Variants in DGKK observed in about 807,000 individuals in gnomAD.
The protein encoded by DGKK is diacylglycerol kinase kappa, also known as 142 kDa diacylglycerol kinase.
DGKK carries 35 observed loss-of-function variants against 92.2 expected under a neutral mutation model. The observed-to-expected ratio is 0.38, with a 90% confidence interval of 0.29 to 0.50. DGKK has a LOEUF of 0.50. DGKK is among the 20% of genes least tolerant of loss of function. The pLI is 0.92. For missense variants in DGKK, 910 were observed against 992.2 expected (o/e 0.92, Z 1.11); for synonymous variants, 368 against 360.6 (o/e 1.02, Z -0.23).
chrX:50,418,958 G>C lies in DGKK; in HGVS notation c.942+1445C>G, dbSNP rs1327756955. On this transcript the variant is annotated intron_variant, in intron 4 of 27. Coordinates refer to ENST00000611977, the MANE Select transcript of DGKK (RefSeq NM_001013742.4). Reference sequence around the variant, plus strand: ...CATGAGAAACCCTCCAGTTTGAATAGAGGTTAAGTCATAGGAAGGAAAGAT... The same window carrying C: ...CATGAGAAACCCTCCAGTTTGAATACAGGTTAAGTCATAGGAAGGAAAGAT... 2.7e-5 allele frequency among the ~76,000 whole-genome samples: 3 copies of C among 111,791 alleles called. No homozygotes were observed. The East Asian group carries it at 8.5e-4, about 32-fold the overall frequency.
At position 50,470,337 on chromosome X, in the gene DGKK, G is replaced by A. The variant is rs782100103; in HGVS notation, c.342C>T (p.Ala114=). Residue 114 remains alanine, a synonymous_variant, in exon 1 of 28, where the codon GCC becomes GCT. Transcript: ENST00000611977. ...GGGCAGACTCTGTGGCAGGTTCTGG[G>A]GCCGGTTCTGGGGCCGGCTCTGTGG... ...EPATEPAPEP[A]PEPATESAPE... The A allele has an allele frequency of 2.5e-6, 3 of 1,207,287 alleles. No homozygotes were observed. The highest frequency in any genetic ancestry group is 2.2e-6 in the Non-Finnish European group (2 of 894,323).
intron 1 of DGKK, among the ~76,000 whole-genome samples, chrX:50,454,869 A>G (rs1557232752): frequency 8.9e-6 from 1 of 112,285 alleles, no homozygotes; most frequent in Non-Finnish European, 1.9e-5. Context: ...TCTACTAATT[A>G]CAAGAAAAGC....
chrX:50,378,769 G>A (rs1924336584), intron 20 of DGKK, 78 bp from the exon 21 acceptor site: 2 of 771,786 alleles, frequency 2.6e-6, no homozygotes, highest in Non-Finnish European at 3.8e-6. Context: ...CATGTTTAAA[G>A]GCTCCTGGTG....
Position 50,403,492 on chromosome X carries a change from A to G in DGKK, c.1184T>C (p.Val395Ala). 3.3e-6 allele frequency: 4 copies of G among 1,204,937 alleles called. No individual in the cohort carries two copies. The highest frequency in any genetic ancestry group is 4.5e-6 in the Non-Finnish European group (4 of 889,381). ...TDDLLLPADEVNMPHQWVEGN... is the reference protein window; with the variant it reads ...TDDLLLPADEANMPHQWVEGN... ...TGGGAAGACATGGCTAGTACTTACT[A>G]CTTCATCTGCAGGCAGAAGGAGGTC... Residue 395 changes from valine (V) to alanine (A), a missense_variant and splice_region_variant, in exon 6 of 28, where the codon GTA (valine) becomes GCA (alanine). Physicochemically the swap from Val to Ala is moderately conservative, Grantham distance 64. Coordinates refer to ENST00000611977, the MANE Select transcript of DGKK (RefSeq NM_001013742.4).
rs186697569 is a variant in DGKK, at chrX:50,451,143, G to A, written c.645+18891C>T. On this transcript the variant is annotated intron_variant, in intron 1 of 27. Coordinates refer to ENST00000611977, the MANE Select transcript of DGKK (RefSeq NM_001013742.4). ...TCTAAGTGAAAAAATAAAAAAATGGGGCTTTGAAATTTAATGGCACTTCTC... is the reference window on the plus strand; with the variant it reads ...TCTAAGTGAAAAAATAAAAAAATGGAGCTTTGAAATTTAATGGCACTTCTC... 3.6e-3 allele frequency among the ~76,000 whole-genome samples: 395 copies of A among 110,717 alleles called. 1 individual carries two copies. The highest frequency in any genetic ancestry group is 6.1e-3 in the Non-Finnish European group (321 of 52,827).
At position 50,375,037 on chromosome X, in the gene DGKK, G is replaced by A. The variant is rs192043707; in HGVS notation, c.3435C>T (p.Ala1145=). Residue 1145 remains alanine (A), a synonymous_variant, in exon 25 of 28, where the codon GCC becomes GCT. Coordinates refer to ENST00000611977, the MANE Select transcript of DGKK (RefSeq NM_001013742.4). ...IPIETLSRND[A]VDVTFSLKGL... The stretch of plus-strand genomic sequence containing the variant: ...CTTTAAGACTAAATGTAACATCTAC[G>A]GCATCATTTCTGCTTAGAGTCTGAG... 167 of 1,204,180 alleles carry A rather than the reference G, an allele frequency of 1.4e-4. No homozygotes were observed. In the Middle Eastern group the frequency reaches 5.8e-3, roughly 42 times the overall value.
At chrX:50,393,662 A>C in intron 8 of DGKK, among the ~76,000 whole-genome samples, 1 of 111,887 alleles carries the variant, frequency 8.9e-6, no homozygotes, top group Non-Finnish European at 1.9e-5. Flanking sequence ...ATAAGGAATA[A>C]AGAAATTGGT....
chrX:50,378,271 G>A (rs781786186), intron 21 of DGKK, 39 bp from the exon 22 acceptor site: 3 of 1,187,852 alleles, frequency 2.5e-6, no homozygotes, highest in South Asian at 3.7e-5. Context: ...GAGAAAAATG[G>A]GGCAACTGCT....
At chrX:50,456,336 C>CA (rs1926611631) in intron 1 of DGKK, among the ~76,000 whole-genome samples, 1 of 111,858 alleles carries the variant, frequency 8.9e-6, no homozygotes, top group Non-Finnish European at 1.9e-5. Context: ...TCAGTCCTCA[C>CA]AAAAAAGAGA....
intron 20 of DGKK, 72 bp from the exon 21 acceptor site, chrX:50,378,763 T>C (rs1924336465): frequency 1.2e-6 from 1 of 813,450 alleles, no homozygotes; most frequent in African/African-American, 2.0e-5. Flanking sequence ...AGAAGGCATG[T>C]TTAAAGGCTC....
At chrX:50,401,442 G>T (rs1925002930) in intron 7 of DGKK, among the ~76,000 whole-genome samples, 1 of 110,905 alleles carries the variant, frequency 9.0e-6, no homozygotes, top group Admixed American at 9.6e-5. Context: ...CTGCAGAATG[G>T]GGAACTTACA....
At position 50,367,147 on chromosome X, in the gene DGKK, T is replaced by A. The variant is rs1923993008; in HGVS notation, c.*1793A>T. The A allele has an allele frequency of 9.0e-6, 1 of 111,378 alleles. No homozygotes were observed. The highest frequency in any genetic ancestry group is 3.9e-4 in the South Asian group (1 of 2,593). The allele number at this position is 111,378 out of a possible 1,213,427, so 9.2% of individuals were successfully genotyped here. A position where few individuals can be genotyped will look rare whatever the true frequency, so the allele number is the denominator to read the frequency against. The stretch of plus-strand genomic sequence containing the variant: ...TGAGAACCAGTGCTTGGAATCTGAA[T>A]TGTGCACCTCAATGAACCAGCCATT... On this transcript the variant is annotated 3_prime_UTR_variant, in exon 28 of 28. Coordinates refer to ENST00000611977, the MANE Select transcript of DGKK (RefSeq NM_001013742.4).
intron 1 of DGKK, among the ~76,000 whole-genome samples, chrX:50,442,755 A>C (rs538052371): frequency 8.9e-6 from 1 of 111,796 alleles, no homozygotes; most frequent in South Asian, 3.8e-4. Flanking sequence ...CCTCTGCTTC[A>C]AGGTGTCACC....
intron 4 of DGKK, among the ~76,000 whole-genome samples, chrX:50,418,979 A>C (rs1270389815): frequency 1.8e-5 from 2 of 112,071 alleles, no homozygotes; most frequent in African/African-American, 6.5e-5. Context: ...ATAGGAAGGA[A>C]AGATATTGGT....
chrX:50,379,659 T>C lies in DGKK; in HGVS notation c.2830A>G (p.Ile944Val), dbSNP rs1924365454. 1 of 1,211,378 alleles carries C rather than the reference T, an allele frequency of 8.3e-7. No homozygotes were observed. Among genetic ancestry groups the C allele is most frequent in the Non-Finnish European group, 1.1e-6 (1 of 895,158 alleles). ...VLNITSYAGG[I>V]NFWGSNTATT... is the part of the protein sequence containing the mutation. ...GCTGTGTTGCTTCCCCAGAAGTTGATACCTCCAGCATAGCTGGTAATGTTG... is the reference window on the plus strand; with the variant it reads ...GCTGTGTTGCTTCCCCAGAAGTTGACACCTCCAGCATAGCTGGTAATGTTG... Residue 944 changes from isoleucine (I) to valine (V), a missense_variant, in exon 20 of 28, where the codon ATC becomes GTC. Ile to Val is a conservative substitution (Grantham distance 29). Transcript: ENST00000611977.
At chrX:50,397,540 T>A (rs1195480008) in intron 8 of DGKK, among the ~76,000 whole-genome samples, 3 of 111,638 alleles carry the variant, frequency 2.7e-5, no homozygotes, top group Admixed American at 1.9e-4. Flanking sequence ...CTGGGACTTG[T>A]TAGAGATGCA....
intron 1 of DGKK, among the ~76,000 whole-genome samples, chrX:50,439,591 C>T (rs782006142): frequency 1.8e-5 from 2 of 110,716 alleles, no homozygotes; most frequent in South Asian, 3.9e-4. Flanking sequence ...AGTGGGGGCT[C>T]AATTTGATAT....
intron 1 of DGKK, among the ~76,000 whole-genome samples, chrX:50,454,364 G>A (rs1345548712): frequency 1.8e-5 from 2 of 111,176 alleles, no homozygotes; most frequent in Non-Finnish European, 3.8e-5. Flanking sequence ...AATGATTTTA[G>A]ATTATCATTG....
chrX:50,436,302 G>A lies in DGKK; in HGVS notation c.646-11944C>T, dbSNP rs1220086391. Among the ~76,000 whole-genome samples the A allele has an allele frequency of 2.7e-5, 3 of 112,208 alleles. No individual in the cohort carries two copies. In the East Asian group the frequency reaches 8.4e-4, roughly 32 times the overall value. On this transcript the variant is annotated intron_variant, in intron 1 of 27. Transcript: ENST00000611977. ...TCATGTTACATTGGTTATCTCATTTGATTTTAGCAACTCTGAAAGATAGAC... is the reference window on the plus strand; with the variant it reads ...TCATGTTACATTGGTTATCTCATTTAATTTTAGCAACTCTGAAAGATAGAC...
Sources: allele counts gnomAD v4.1 joint callset (sites outside exome capture counted in the v4.1 genomes callset), GRCh38; gene constraint gnomAD v4.1.1; transcripts MANE v1.5; gene names NCBI Gene and HGNC (gene_info 2026-07-23, HGNC 2026-07-21).